Variants in GLS observed in about 807,000 individuals in gnomAD.
GLS encodes glutaminase kidney isoform, mitochondrial.
GLS carries 36 observed loss-of-function variants against 86.7 expected under a neutral mutation model. The ratio of observed to expected loss-of-function variants is 0.42; its 90% confidence interval spans 0.32 to 0.55. GLS has a LOEUF of 0.55. Among genes scored for constraint, GLS ranks in the 20% least tolerant of loss-of-function variants. The pLI is 0.17. For synonymous variants in GLS, 317 were observed against 305.9 expected (o/e 1.04, Z -0.38); for missense variants, 528 against 833.4 (o/e 0.63, Z 4.51).
rs57674096 is a variant in GLS at position 190,880,872 on chromosome 2, C to CGCA, written c.-167_-165dup. On this transcript the variant is annotated 5_prime_UTR_variant, in exon 1 of 18. Transcript: ENST00000320717. Reference sequence around the variant, plus strand: ...AGAACCGGTCGCGGCAATCCTAGCGCGCAGCAGCAGCAGCAGCAGCAGCAG... The same window carrying CGCA: ...AGAACCGGTCGCGGCAATCCTAGCGCGCAGCAGCAGCAGCAGCAGCAGCAGCAG... 0.044 allele frequency: 32,472 copies of CGCA among 736,958 alleles called. 541 individuals are homozygous for CGCA. Among genetic ancestry groups the CGCA allele is most frequent in the Non-Finnish European group, 0.048 (21,056 of 438,558 alleles). The allele number at this position is 736,958 out of a possible 1,614,324, so 45.7% of individuals were successfully genotyped here.
chr2:190,957,817 T>C (rs1479353991), intron 17 of GLS, among the ~76,000 whole-genome samples: 1 of 152,232 alleles, frequency 6.6e-6, no homozygotes, highest in Non-Finnish European at 1.5e-5. Context: ...GCCAGTAGTT[T>C]ATTGAGGATT....
chr2:190,888,929 T>C (rs1688478258), intron 1 of GLS, among the ~76,000 whole-genome samples: 1 of 152,212 alleles, frequency 6.6e-6, no homozygotes, highest in South Asian at 2.1e-4. Context: ...ACTTTAACCA[T>C]TTTTAAGTTC....
At chr2:190,959,995 G>A (rs1275966061) in intron 17 of GLS, among the ~76,000 whole-genome samples, 8 of 152,082 alleles carry the variant, frequency 5.3e-5, no homozygotes, top group Non-Finnish European at 1.2e-4. Flanking sequence ...ATCTATAGTG[G>A]GAAAAATATG....
chr2:190,959,192 T>C (rs1201029861), intron 17 of GLS, among the ~76,000 whole-genome samples: 1 of 152,120 alleles, frequency 6.6e-6, no homozygotes, highest in African/African-American at 2.4e-5. Flanking sequence ...TCTCTTTTGA[T>C]CTTTGTCGGT....
rs1690067032 is a variant in GLS at position 190,930,314 on chromosome 2, T to TC, written c.1426-120dup. 7.1e-6 allele frequency: 5 copies of TC among 703,078 alleles called. No homozygotes were observed. The highest frequency in any genetic ancestry group is 1.2e-5 in the Non-Finnish European group (5 of 411,142). The allele number at this position is 703,078 out of a possible 1,614,324, so 43.6% of individuals were successfully genotyped here. A position where few individuals can be genotyped will look rare whatever the true frequency, so the allele number is the denominator to read the frequency against. The stretch of plus-strand genomic sequence containing the variant: ...CTCAAGTGATCTGCTTGCCTTGGCC[T>TC]CCCAAAGTGCTGAGATTACAGGAGT... On this transcript the variant is annotated intron_variant, in intron 12 of 17. Transcript: ENST00000320717. The surrounding 1 kb of genome is among the most constrained non-coding windows in gnomAD (Gnocchi z 5.0).
chr2:190,935,247 A>G lies in GLS; in HGVS notation c.1650+3610A>G. ...TAATAATGTACCTTTATTTTCCAGTATGCCTACATTTTGTATTGCACAATA... is the reference window on the plus strand; with the variant it reads ...TAATAATGTACCTTTATTTTCCAGTGTGCCTACATTTTGTATTGCACAATA... On this transcript the variant is annotated intron_variant, in intron 14 of 17. Transcript: ENST00000320717. This position sits in a 1 kb window ranked among gnomAD's most constrained non-coding sequence, Gnocchi z 4.2. 1 of 728,006 alleles carries G rather than the reference A, an allele frequency of 1.4e-6. No individual in the cohort carries two copies. The highest frequency in any genetic ancestry group is 1.7e-6 in the Non-Finnish European group (1 of 595,394). The allele number at this position is 728,006 out of a possible 1,614,324, so 45.1% of individuals were successfully genotyped here. A position where few individuals can be genotyped will look rare whatever the true frequency, so the allele number is the denominator to read the frequency against.
At chr2:190,891,600 A>G (rs1688564310) in intron 1 of GLS, among the ~76,000 whole-genome samples, 1 of 152,140 alleles carries the variant, frequency 6.6e-6, no homozygotes, top group Non-Finnish European at 1.5e-5. Flanking sequence ...TACCAGACTG[A>G]GGAGTATGAA....
intron 17 of GLS, among the ~76,000 whole-genome samples, chr2:190,960,359 A>ATT (rs770419477): frequency 0.046 from 4,710 of 101,330 alleles, 236 homozygotes; most frequent in South Asian, 0.091. Context: ...TTAAGCTTCA[A>ATT]TTTTTTTTTT....
At chr2:190,885,177 G>T (rs1490143743) in intron 1 of GLS, among the ~76,000 whole-genome samples, 1 of 151,858 alleles carries the variant, frequency 6.6e-6, no homozygotes, top group South Asian at 2.1e-4. Flanking sequence ...AATCATCGAG[G>T]TGTATACTCT....
rs1688153131 is a variant in GLS at position 190,881,228 on chromosome 2, G to A, written c.144G>A (p.Pro48=). The A allele has an allele frequency of 3.2e-6, 4 of 1,246,776 alleles. No homozygotes were observed. The highest frequency in any genetic ancestry group is 3.5e-5 in the South Asian group (1 of 28,704). The allele number at this position is 1,246,776 out of a possible 1,614,324, so 77.2% of individuals were successfully genotyped here. The change falls in exon 1 of 18, where the codon CCG becomes CCA. Residue 48 remains proline, a synonymous_variant. Coordinates refer to ENST00000320717, the MANE Select transcript of GLS (RefSeq NM_014905.5). ...PRGGGRPAAG[P]AAAARLHPWW... is the part of the protein sequence containing the mutation. ...GCGGGGGACGGCCGGCCGCGGGCCC[G>A]GCTGCCGCCGCGCGACTCCACCCGT...
chr2:190,914,565 T>C lies in GLS; in HGVS notation c.1038+4244T>C, dbSNP rs917865790. On this transcript the variant is annotated intron_variant, in intron 7 of 17. Transcript: ENST00000320717. The surrounding 1 kb of genome is among the most constrained non-coding windows in gnomAD (Gnocchi z 4.4). ...TTTTTACCTGGAGTGTCTTATTTTT[T>C]ATTTTCCTAATACTCTTTAGCTTTA... Among the ~76,000 whole-genome samples, 15 of 152,164 alleles carry C rather than the reference T, an allele frequency of 9.9e-5. No individual in the cohort carries two copies. Among genetic ancestry groups the C allele is most frequent in the Non-Finnish European group, 1.5e-5 (1 of 68,026 alleles).
At chr2:190,916,200 T>C (rs550902534) in intron 7 of GLS, among the ~76,000 whole-genome samples, 5 of 152,292 alleles carry the variant, frequency 3.3e-5, no homozygotes, top group African/African-American at 1.2e-4. Context: ...CAAATTAGTA[T>C]GGGAAATTAT....
intron 12 of GLS, among the ~76,000 whole-genome samples, chr2:190,928,415 AC>A (rs1173585548): frequency 1.3e-5 from 2 of 151,144 alleles, no homozygotes; most frequent in Non-Finnish European, 2.9e-5. Flanking sequence ...GCTCACTGCA[AC>A]CTCTGCCTCC....
rs1690651290 is a variant in GLS, at chr2:190,949,092, A to AAGAGAG, written c.1651-4473_1651-4472insAGAGAG. Among the ~76,000 whole-genome samples, 1 of 152,158 alleles carries AAGAGAG rather than the reference A, an allele frequency of 6.6e-6. No individual in the cohort carries two copies. On this transcript the variant is annotated intron_variant, in intron 14 of 17. Coordinates refer to ENST00000320717, the MANE Select transcript of GLS (RefSeq NM_014905.5). This position sits in a 1 kb window ranked among gnomAD's most constrained non-coding sequence, Gnocchi z 4.0. Reference sequence around the variant, plus strand: ...TTGATTAGGAATCTGGGTGTTCTTAAGAGCATAGACACCAAGACAAAAACA... The same window carrying AAGAGAG: ...TTGATTAGGAATCTGGGTGTTCTTAAAGAGAGGAGCATAGACACCAAGACAAAAACA...
At chr2:190,932,521 T>C (rs1690140365) in intron 14 of GLS, 1 of 333,838 alleles carries the variant, frequency 3.0e-6, no homozygotes, top group Non-Finnish European at 5.4e-6. Context: ...TCTGTTACTA[T>C]GTAAGAATTA....
chr2:190,899,743 T>C lies in GLS; in HGVS notation c.606-821T>C, dbSNP rs185176650. Among the ~76,000 whole-genome samples the C allele has an allele frequency of 2.2e-3, 339 of 152,276 alleles. 2 individuals carry two copies. The highest frequency in any genetic ancestry group is 7.7e-3 in the African/African-American group (321 of 41,578). Reference sequence around the variant, plus strand: ...TTTGCAAAACGTTTTAAAGGCTACGTTAATATACTGATTTTCTGGCTTAAA... The same window carrying C: ...TTTGCAAAACGTTTTAAAGGCTACGCTAATATACTGATTTTCTGGCTTAAA... On this transcript the variant is annotated intron_variant, in intron 3 of 17. Coordinates refer to ENST00000320717, the MANE Select transcript of GLS (RefSeq NM_014905.5).
chr2:190,881,229 G>A lies in GLS; in HGVS notation c.145G>A (p.Ala49Thr). The A allele has an allele frequency of 1.6e-6, 2 of 1,246,926 alleles. No individual in the cohort carries two copies. Among genetic ancestry groups the A allele is most frequent in the Non-Finnish European group, 2.0e-6 (2 of 998,862 alleles). 77.2% of individuals were successfully genotyped at this position (1,246,926 alleles called of 1,614,324 possible). Residue 49 changes from alanine (A) to threonine (T), a missense_variant, in exon 1 of 18, where the codon GCT (alanine) becomes ACT (threonine). Ala to Thr is a moderately conservative substitution (Grantham distance 58). Around this residue, in one of 4 missense-constraint regions of GLS, gnomAD observed 224 missense variants for 187.9 expected, o/e 1.19. Transcript: ENST00000320717. ...CGGGGGACGGCCGGCCGCGGGCCCG[G>A]CTGCCGCCGCGCGACTCCACCCGTG... ...RGGGRPAAGP[A>T]AAARLHPWWG...
intron 17 of GLS, among the ~76,000 whole-genome samples, chr2:190,961,523 T>C (rs762249675): frequency 6.6e-6 from 1 of 152,138 alleles, no homozygotes. Context: ...AGTTCATATT[T>C]TTCATTAATT....
intron 9 of GLS, among the ~76,000 whole-genome samples, chr2:190,923,426 G>T (rs2124899989): frequency 6.6e-6 from 1 of 152,216 alleles, no homozygotes; most frequent in East Asian, 1.9e-4. Flanking sequence ...ATGATGCATG[G>T]AATTTGCCAG....
Sources: gnomAD v4.1 joint callset for allele counts (sites outside exome capture counted in the v4.1 genomes callset) on GRCh38, gnomAD v4.1.1 for gene constraint, gnomAD v4.1.1 regional missense constraint, Gnocchi (gnomAD v3.1) non-coding constraint, MANE v1.5 for transcripts, NCBI Gene and HGNC (gene_info 2026-07-23, HGNC 2026-07-21) for gene names.